The following C12orf56 variants were observed in gnomAD, a reference collection of about 807,000 sequenced individuals.
C12orf56 encodes the protein chromosome 12 open reading frame 56, also known as uncharacterized protein C12orf56.
C12orf56 carries 71 observed loss-of-function variants against 69.9 expected under a neutral mutation model. That is an observed-to-expected ratio of 1.02 (90% CI 0.84 to 1.24). The LOEUF is 1.24. Ranked by LOEUF, C12orf56 falls within the 50% of genes most tolerant of loss-of-function variation. The pLI, the probability that C12orf56 is intolerant of heterozygous loss-of-function variation, is 0.00. For synonymous variants in C12orf56, 276 were observed against 274.1 expected (o/e 1.01, Z -0.07); for missense variants, 732 against 738.5 (o/e 0.99, Z 0.10).
At chr12:64,373,076 C>T (rs1309269660) in intron 1 of C12orf56, among the ~76,000 whole-genome samples, 1 of 152,116 alleles carries the variant, frequency 6.6e-6, no homozygotes, top group Non-Finnish European at 1.5e-5. Flanking sequence ...CTGTTTATAA[C>T]TGTTTTCCTT....
chr12:64,300,159 G>T (rs2038425584), intron 6 of C12orf56, among the ~76,000 whole-genome samples: 1 of 152,026 alleles, frequency 6.6e-6, no homozygotes, highest in Non-Finnish European at 1.5e-5. Flanking sequence ...TTTAACAAGA[G>T]AAATTAGAAG....
In C12orf56 at chr12:64,366,869, T is replaced by C. The variant is rs1311257392; in HGVS notation, c.253-13813A>G. On this transcript the variant is annotated intron_variant, in intron 1 of 12. Transcript: ENST00000543942. ...TACAGTTTATATATATTATATAACA[T>C]ACAGTTTATATATATTATATAACAT... is the stretch of plus-strand genomic sequence containing the variant. 3.6e-4 allele frequency among the ~76,000 whole-genome samples: 46 copies of C among 127,094 alleles called. 1 individual carries two copies. The highest frequency in any genetic ancestry group is 1.2e-3 in the African/African-American group (41 of 32,960). 83.4% of individuals were successfully genotyped at this position (127,094 alleles called of 152,430 possible).
chr12:64,356,857 A>C (rs766157742), intron 1 of C12orf56, among the ~76,000 whole-genome samples: 1 of 152,166 alleles, frequency 6.6e-6, no homozygotes, highest in Non-Finnish European at 1.5e-5. Flanking sequence ...TATATCTAAC[A>C]TTCTTTTCAA....
At chr12:64,357,308 T>C (rs1478047086) in intron 1 of C12orf56, among the ~76,000 whole-genome samples, 2 of 152,218 alleles carry the variant, frequency 1.3e-5, no homozygotes, top group Admixed American at 1.3e-4. Context: ...TTATGGGAGA[T>C]TTGTCAATGC....
At chr12:64,358,925 G>A (rs1314457251) in intron 1 of C12orf56, among the ~76,000 whole-genome samples, 1 of 152,166 alleles carries the variant, frequency 6.6e-6, no homozygotes, top group Non-Finnish European at 1.5e-5. Context: ...AGAAAGGAAG[G>A]TGGTTTCTTC....
At chr12:64,358,482 A>ATCATCATCATCATCATCATCATC (rs2039352108) in intron 1 of C12orf56, among the ~76,000 whole-genome samples, 9 of 125,946 alleles carry the variant, frequency 7.1e-5, no homozygotes, top group African/African-American at 2.1e-4. Flanking sequence ...TAATAATAAT[A>ATCATCATCATCATCATCATCATC]ATCATCATCA....
chr12:64,333,685 A>G (rs796493739), intron 2 of C12orf56, among the ~76,000 whole-genome samples: 18 of 152,048 alleles, frequency 1.2e-4, no homozygotes, highest in African/African-American at 4.3e-4. Context: ...TATTTTTAGT[A>G]GAGACGGGGT....
chr12:64,375,898 G>T (rs557480268), intron 1 of C12orf56, among the ~76,000 whole-genome samples: 1 of 152,256 alleles, frequency 6.6e-6, no homozygotes, highest in Admixed American at 6.5e-5. Context: ...CAGCTCAGTA[G>T]TGGGACTGAG....
intron 2 of C12orf56, among the ~76,000 whole-genome samples, chr12:64,344,681 C>G (rs559947291): frequency 6.6e-6 from 1 of 152,142 alleles, no homozygotes; most frequent in Non-Finnish European, 1.5e-5. Context: ...TTACAGGGCT[C>G]TTCAAAGATG....
At chr12:64,281,027 C>G (rs1166780369) in intron 8 of C12orf56, among the ~76,000 whole-genome samples, 3 of 152,172 alleles carry the variant, frequency 2.0e-5, no homozygotes, top group Non-Finnish European at 2.9e-5. Context: ...AATCCCAGCA[C>G]TTTGGGAGGC....
intron 4 of C12orf56, among the ~76,000 whole-genome samples, chr12:64,315,998 C>A (rs2038686995): frequency 6.6e-6 from 1 of 151,736 alleles, no homozygotes; most frequent in Non-Finnish European, 1.5e-5. Flanking sequence ...GAATTCTAAC[C>A]CGATTTCTCA....
chr12:64,284,819 AAGT>A (rs746715299), intron 7 of C12orf56, 66 bp from the exon 8 acceptor site: 371 of 1,282,888 alleles, frequency 2.9e-4, no homozygotes, highest in Non-Finnish European at 3.8e-4. Flanking sequence ...AATTCCACAA[AAGT>A]AGTAATTTTT....
At position 64,354,017 on chromosome 12, in the gene C12orf56, T is replaced by C. The variant is rs187760873; in HGVS notation, c.253-961A>G. On this transcript the variant is annotated intron_variant, in intron 1 of 12. Transcript: ENST00000543942. Reference sequence around the variant, plus strand: ...TAAAAATAATTTTTTCATAAAGGTCTCAAAAATGTATAATTAATTGATTTT... The same window carrying C: ...TAAAAATAATTTTTTCATAAAGGTCCCAAAAATGTATAATTAATTGATTTT... Among the ~76,000 whole-genome samples, 33 of 152,272 alleles carry C rather than the reference T, an allele frequency of 2.2e-4. No individual in the cohort carries two copies. The East Asian group carries it at 5.4e-3, about 25-fold the overall frequency.
intron 1 of C12orf56, among the ~76,000 whole-genome samples, chr12:64,380,117 A>AAC (rs1359018067): frequency 1.2e-5 from 1 of 80,650 alleles, no homozygotes; most frequent in Admixed American, 1.3e-4. Flanking sequence ...AAAAAAAAAA[A>AAC]AAAAAAAAAA....
intron 2 of C12orf56, among the ~76,000 whole-genome samples, chr12:64,341,020 G>A (rs1237454549): frequency 6.6e-6 from 1 of 152,168 alleles, no homozygotes; most frequent in Non-Finnish European, 1.5e-5. Context: ...CTCCATTGTG[G>A]AGTTGTAGAC....
intron 1 of C12orf56, among the ~76,000 whole-genome samples, chr12:64,362,992 C>T (rs1441406869): frequency 6.6e-6 from 1 of 152,166 alleles, no homozygotes; most frequent in Non-Finnish European, 1.5e-5. Context: ...AGGCTGACTT[C>T]TTTATTGCAA....
At chr12:64,281,289 G>A (rs1439441231) in intron 8 of C12orf56, among the ~76,000 whole-genome samples, 2 of 150,892 alleles carry the variant, frequency 1.3e-5, no homozygotes, top group South Asian at 2.1e-4. Context: ...AGAAAAAAGA[G>A]CCCGGGTGCG....
intron 1 of C12orf56, among the ~76,000 whole-genome samples, chr12:64,388,444 G>A (rs371858274): frequency 2.8e-4 from 42 of 151,668 alleles, no homozygotes; most frequent in African/African-American, 9.9e-4. Flanking sequence ...ACGGTGTCTT[G>A]CTAGGTTACC....
intron 2 of C12orf56, among the ~76,000 whole-genome samples, chr12:64,335,141 G>C (rs10878150): frequency 0.54 from 81,608 of 151,968 alleles, 22,507 homozygotes; most frequent in Middle Eastern, 0.73. Flanking sequence ...TTGTGGCCAG[G>C]CATGGTGGCT....
Sources: allele counts gnomAD v4.1 joint callset (sites outside exome capture counted in the v4.1 genomes callset), GRCh38; gene constraint gnomAD v4.1.1; transcripts MANE v1.5; gene names NCBI Gene and HGNC (gene_info 2026-07-23, HGNC 2026-07-21).